The following THBS2 variants were observed in gnomAD, a reference collection of about 807,000 sequenced individuals.
The protein encoded by THBS2 is thrombospondin-2.
Under a neutral mutation model 135.2 loss-of-function variants are expected in THBS2, and 47 were observed. The ratio of observed to expected loss-of-function variants is 0.35; its 90% CI spans 0.28 to 0.44. THBS2 has a LOEUF of 0.44. Among genes scored for constraint, THBS2 ranks in the 20% least tolerant of loss-of-function variants. THBS2 has a pLI of 1.00. For missense variants in THBS2, 1,288 were observed against 1,603.1 expected (o/e 0.80, Z 3.36); for synonymous variants, 639 against 633.8 (o/e 1.01, Z -0.12).
rs751168836 is a variant in THBS2 at position 169,252,918 on chromosome 6, C to A, written c.-23+806G>T. 6.5e-4 allele frequency among the ~76,000 whole-genome samples: 99 copies of A among 152,170 alleles called. No individual in the cohort carries two copies. The highest frequency in any genetic ancestry group is 1.2e-3 in the Non-Finnish European group (81 of 68,036). On this transcript the variant is annotated intron_variant, in intron 1 of 21. Transcript: ENST00000617924. This position sits in a 1 kb window ranked among gnomAD's most constrained non-coding sequence, Gnocchi z 4.3. ...TGCAGAGAGCTAATTGTTTACCGGC[C>A]GTCCACCACCAACAGCAGTCTGATT...
chr6:169,219,141 T>TG (rs1779318532), intron 21 of THBS2, among the ~76,000 whole-genome samples: 1 of 145,320 alleles, frequency 6.9e-6, no homozygotes, highest in Non-Finnish European at 1.5e-5. Context: ...GATGAATGGA[T>TG]GGATGGGATA....
intron 19 of THBS2, 59 bp from the exon 20 acceptor site, chr6:169,221,586 C>T (rs1779432945): frequency 1.3e-6 from 2 of 1,489,258 alleles, no homozygotes; most frequent in Admixed American, 3.3e-5. Context: ...AACCACAGCT[C>T]TGTAACACCA....
Position 169,232,028 on chromosome 6 carries a change from G to C in THBS2, c.2103C>G (p.Pro701=), listed in dbSNP as rs759010026. 3 of 1,614,048 alleles carry C rather than the reference G, an allele frequency of 1.9e-6. No homozygotes were observed. The part of the protein sequence containing the change: ...CGEDSDLDGW[P]NLNLVCATNA... ...TGGTGGCGCAGACCAGATTGAGGTT[G>C]GGCCAGCCGTCCAGGTCCGAGTCCT... is the stretch of plus-strand genomic sequence containing the variant. The change falls in exon 13 of 22, where the codon CCC becomes CCG. Residue 701 remains proline, a synonymous_variant. Transcript: ENST00000617924.
rs1779758424 is a variant in THBS2 at position 169,229,572 on chromosome 6, C to G, written c.2259G>C (p.Lys753Asn). ...GGTGCGCGGCACAAGCTGCTCCTAC[C>G]TTCTCATCGGTCACACCGTCATTGT... ...DDDNDGVTDE[K>N]DNCQLLFNPR... The change falls in exon 14 of 22, where the codon AAG (lysine) becomes AAC (asparagine). Residue 753 changes from lysine to asparagine, a missense_variant and splice_region_variant. Physicochemically the swap from Lys to Asn is moderately conservative, Grantham distance 94 (BLOSUM62 0). This residue lies in a region of THBS2 where 874 missense variants were observed against 1,156.1 expected (regional missense o/e 0.76). Coordinates refer to ENST00000617924, the MANE Select transcript of THBS2 (RefSeq NM_003247.5). 6.2e-7 allele frequency: 1 copy of G among 1,613,744 alleles called. No individual in the cohort carries two copies.
At chr6:169,236,096 C>T (rs1583413581) in intron 9 of THBS2, among the ~76,000 whole-genome samples, 1 of 124,214 alleles carries the variant, frequency 8.1e-6, no homozygotes, top group Non-Finnish European at 1.7e-5. Context: ...CTCCCATCCA[C>T]ACTCACTCCC....
At position 169,217,705 on chromosome 6, in the gene THBS2, T is replaced by A; in HGVS notation, c.*117A>T. Reference sequence around the variant, plus strand: ...GCAGGAGGTGAAGAACCATCAGAGTTAAGGTCAAGGGACAGGAGGTGCTGC... The same window carrying A: ...GCAGGAGGTGAAGAACCATCAGAGTAAAGGTCAAGGGACAGGAGGTGCTGC... On this transcript the variant is annotated 3_prime_UTR_variant, in exon 22 of 22. Coordinates refer to ENST00000617924, the MANE Select transcript of THBS2 (RefSeq NM_003247.5). The A allele has an allele frequency of 8.4e-7, 1 of 1,184,258 alleles. No individual in the cohort carries two copies. The allele number at this position is 1,184,258 out of a possible 1,614,324, so 73.4% of individuals were successfully genotyped here.
intron 15 of THBS2, among the ~76,000 whole-genome samples, chr6:169,227,328 A>G (rs6940644): frequency 0.65 from 98,836 of 151,964 alleles, 33,176 homozygotes; most frequent in African/African-American, 0.83. Context: ...AGAAGGGATG[A>G]CCATGCGGTG....
rs577755228 is a variant in THBS2 at position 169,217,949 on chromosome 6, T to TATGG, written c.3512-124_3512-121dup. On this transcript the variant is annotated intron_variant, in intron 21 of 21. Transcript: ENST00000617924. ...CTTTAATTAAAGATGAGATCTATCA[T>TATGG]ATGGATGGATGGATGGATGGATGAA... 2.5e-4 allele frequency: 235 copies of TATGG among 943,122 alleles called. 2 individuals carry two copies. The highest frequency in any genetic ancestry group is 2.1e-3 in the South Asian group (119 of 56,666). 58.4% of individuals were successfully genotyped at this position (943,122 alleles called of 1,614,324 possible).
intron 1 of THBS2, among the ~76,000 whole-genome samples, chr6:169,253,367 T>C (rs1355800941): frequency 1.3e-5 from 2 of 152,204 alleles, no homozygotes; most frequent in Non-Finnish European, 2.9e-5. Flanking sequence ...AACTCTCATG[T>C]GGAATCTTCT....
chr6:169,217,910 C>G, intron 21 of THBS2, 81 bp from the exon 22 acceptor site: 1 of 1,320,014 alleles, frequency 7.6e-7, no homozygotes, highest in Non-Finnish European at 1.1e-6. Flanking sequence ...TACCTAGAAC[C>G]AGAAATATAA....
chr6:169,225,218 A>G lies in THBS2; in HGVS notation c.2700T>C (p.Asp900=), dbSNP rs1779580730. The G allele has an allele frequency of 1.2e-6, 2 of 1,613,988 alleles. No homozygotes were observed. The highest frequency in any genetic ancestry group is 1.7e-5 in the Admixed American group (1 of 59,992). The change falls in exon 17 of 22, where the codon GAT becomes GAC. Residue 900 remains aspartate, a synonymous_variant. Transcript: ENST00000617924. ...TGTCATCGGGGACGCCATCGTTGTC[A>G]TCATCAGGGTCACAGGCGTCGCCCT... is the stretch of plus-strand genomic sequence containing the variant. ...DGQGDACDPD[D]DNDGVPDDRD...
intron 7 of THBS2, chr6:169,239,393 G>A (rs1235813465): frequency 4.1e-5 from 24 of 580,408 alleles, no homozygotes; most frequent in Middle Eastern, 4.6e-4. Context: ...CCACCCCCGC[G>A]TTCCCAGGGC....
chr6:169,237,560 C>T lies in THBS2; in HGVS notation c.1300+65G>A, dbSNP rs564872155. On this transcript the variant is annotated intron_variant, in intron 8 of 21. Transcript: ENST00000617924. ...GCAGCTCTGTCCCTTGCAAAGGTCCCGATGACTGAGAGAAACGCGGCCCCA... is the reference window on the plus strand; with the variant it reads ...GCAGCTCTGTCCCTTGCAAAGGTCCTGATGACTGAGAGAAACGCGGCCCCA... 37 of 1,601,426 alleles carry T rather than the reference C, an allele frequency of 2.3e-5. 1 individual carries two copies. The highest frequency in any genetic ancestry group is 2.0e-4 in the African/African-American group (15 of 74,962).
intron 4 of THBS2, among the ~76,000 whole-genome samples, chr6:169,242,422 CT>C (rs1053371362): frequency 1.3e-4 from 19 of 151,130 alleles, no homozygotes; most frequent in Admixed American, 8.6e-4. Flanking sequence ...ACTCTTCATC[CT>C]TTTTTTTTCA....
intron 13 of THBS2, among the ~76,000 whole-genome samples, chr6:169,231,014 C>T (rs2114992307): frequency 6.6e-6 from 1 of 152,306 alleles, no homozygotes; most frequent in South Asian, 2.1e-4. Flanking sequence ...AGGCATAAAA[C>T]TGCACTAAAA....
chr6:169,228,937 C>T (rs1779736426), intron 14 of THBS2, among the ~76,000 whole-genome samples: 1 of 150,136 alleles, frequency 6.7e-6, no homozygotes, highest in Non-Finnish European at 1.5e-5. Flanking sequence ...TTAGCCCTCG[C>T]CAAACACTTT....
chr6:169,237,361 G>A lies in THBS2; in HGVS notation c.1301-15C>T, dbSNP rs9283850. ...GTCCTGCCGGACTAACACAAGAAGC[G>A]GAGAGAGATCAGGCTGTGCCGCCTA... On this transcript the variant is annotated splice_polypyrimidine_tract_variant and intron_variant, in intron 8 of 21. Transcript: ENST00000617924. 857,648 of 1,611,876 alleles carry A rather than the reference G, an allele frequency of 0.53. 234,862 individuals are homozygous for A. Among genetic ancestry groups the A allele is most frequent in the East Asian group, 0.89 (39,988 of 44,858 alleles).
rs1554243635 is a variant in THBS2 at position 169,217,209 on chromosome 6, C to CTGTT, written c.*609_*612dup. 6.6e-6 allele frequency: 1 copy of CTGTT among 152,276 alleles called. No homozygotes were observed. Among genetic ancestry groups the CTGTT allele is most frequent in the Non-Finnish European group, 1.5e-5 (1 of 68,058 alleles). 9.4% of individuals were successfully genotyped at this position (152,276 alleles called of 1,614,324 possible). ...GAGGAGAGTTCGTTTATTTTTGTAACTGTTTTACATGTTCCGATTAGTTAA... is the reference window on the plus strand; with the variant it reads ...GAGGAGAGTTCGTTTATTTTTGTAACTGTTTGTTTTACATGTTCCGATTAGTTAA... On this transcript the variant is annotated 3_prime_UTR_variant, in exon 22 of 22. Transcript: ENST00000617924.
At chr6:169,226,701 G>C (rs1410563709) in intron 15 of THBS2, among the ~76,000 whole-genome samples, 4 of 152,232 alleles carry the variant, frequency 2.6e-5, no homozygotes, top group Non-Finnish European at 4.4e-5. Context: ...AACAATGGCA[G>C]AGAGTGGCAG....
Sources: allele counts gnomAD v4.1 joint callset (sites outside exome capture counted in the v4.1 genomes callset), GRCh38; gene constraint gnomAD v4.1.1; regional missense constraint gnomAD v4.1.1; non-coding constraint Gnocchi (gnomAD v3.1); transcripts MANE v1.5; gene names NCBI Gene and HGNC (gene_info 2026-07-23, HGNC 2026-07-21).